DCP1B: variants seen among roughly 807,000 people sequenced by gnomAD.
DCP1B encodes the protein mRNA-decapping enzyme 1B.
Under a neutral mutation model 60.5 loss-of-function variants are expected in DCP1B, and 47 were observed. That is an observed-to-expected ratio of 0.78 (90% confidence interval 0.61 to 0.99). The LOEUF (loss-of-function observed/expected upper bound fraction) is 0.99. Ranked by LOEUF, DCP1B falls within the 50% of genes least tolerant of loss-of-function variation. The pLI is 0.00. For synonymous variants in DCP1B, 267 were observed against 280.3 expected (o/e 0.95, Z 0.47); for missense variants, 725 against 756.8 (o/e 0.96, Z 0.49).
intron 5 of DCP1B, among the ~76,000 whole-genome samples, chr12:1,958,187 G>A (rs1293885589): frequency 1.4e-5 from 2 of 144,638 alleles, no homozygotes; most frequent in East Asian, 4.2e-4. Context: ...CAGGGGAAAA[G>A]CTCCCTAACG....
chr12:1,955,198 T>C (rs1338534621), intron 6 of DCP1B, among the ~76,000 whole-genome samples: 1 of 152,192 alleles, frequency 6.6e-6, no homozygotes, highest in Non-Finnish European at 1.5e-5. Context: ...GGAGTTCAAG[T>C]TCACAAGAGA....
At chr12:2,001,314 T>C (rs887199802) in intron 1 of DCP1B, among the ~76,000 whole-genome samples, 2 of 152,156 alleles carry the variant, frequency 1.3e-5, no homozygotes, top group Non-Finnish European at 2.9e-5. Context: ...AGGAGGACTT[T>C]TATGTGAAAG....
chr12:1,973,823 T>G (rs544189310), intron 3 of DCP1B, among the ~76,000 whole-genome samples: 2 of 152,350 alleles, frequency 1.3e-5, no homozygotes, highest in East Asian at 1.9e-4. Context: ...ATTTATATTT[T>G]CATTTGTTCA....
chr12:1,978,103 G>A (rs538844556), intron 3 of DCP1B, among the ~76,000 whole-genome samples: 4 of 152,204 alleles, frequency 2.6e-5, no homozygotes, highest in Non-Finnish European at 2.9e-5. Context: ...TAAGTTATAC[G>A]GTTTCCATAT....
intron 5 of DCP1B, among the ~76,000 whole-genome samples, chr12:1,958,442 G>A (rs1481271032): frequency 7.1e-6 from 1 of 139,924 alleles, no homozygotes; most frequent in Non-Finnish European, 1.5e-5. Context: ...GGAAACAGGG[G>A]AAAAGCTCCC....
intron 3 of DCP1B, chr12:1,992,392 T>C (rs978933533): frequency 1.3e-5 from 2 of 153,468 alleles, no homozygotes; most frequent in Admixed American, 6.5e-5. Context: ...CTGAATAGTA[T>C]ATGGTAGGCA....
At chr12:1,979,526 C>T (rs538265293) in intron 3 of DCP1B, among the ~76,000 whole-genome samples, 2 of 150,062 alleles carry the variant, frequency 1.3e-5, no homozygotes, top group Non-Finnish European at 3.0e-5. Context: ...TGGCCAGGCT[C>T]GTCTCGAACT....
chr12:1,977,387 A>G (rs1164188913), intron 3 of DCP1B, among the ~76,000 whole-genome samples: 2 of 152,204 alleles, frequency 1.3e-5, no homozygotes, highest in Non-Finnish European at 2.9e-5. Context: ...AAAGCTCGAC[A>G]ACTTTGTGAC....
At chr12:1,963,531 T>G (rs987900136) in intron 5 of DCP1B, among the ~76,000 whole-genome samples, 6 of 152,372 alleles carry the variant, frequency 3.9e-5, no homozygotes, top group African/African-American at 1.4e-4. Context: ...TTTTATATGT[T>G]TGGTTTGCTT....
At chr12:1,997,470 A>G (rs1448499714) in intron 2 of DCP1B, among the ~76,000 whole-genome samples, 1 of 152,230 alleles carries the variant, frequency 6.6e-6, no homozygotes, top group African/African-American at 2.4e-5. Context: ...CAGCAAGCCA[A>G]GAGCTGTGAT....
At chr12:1,994,460 C>G (rs1353814100) in intron 2 of DCP1B, among the ~76,000 whole-genome samples, 3 of 152,200 alleles carry the variant, frequency 2.0e-5, no homozygotes, top group African/African-American at 2.4e-5. Context: ...GGGAGGCAAT[C>G]CTTGCCTAGC....
At position 1,949,073 on chromosome 12, in the gene DCP1B, C is replaced by T. The variant is rs559902808; in HGVS notation, c.1773+13G>A. On this transcript the variant is annotated intron_variant, in intron 8 of 8. Transcript: ENST00000280665. ...CGTGGTCAGGTGCGAAGGGAGATGA[C>T]GTGCTTGCTTACCTGAATGAGGTAC... is the stretch of plus-strand genomic sequence containing the variant. 20 of 1,607,544 alleles carry T rather than the reference C, an allele frequency of 1.2e-5. No homozygotes were observed. Among genetic ancestry groups the T allele is most frequent in the East Asian group, 1.1e-4 (5 of 44,660 alleles).
intron 3 of DCP1B, among the ~76,000 whole-genome samples, chr12:1,981,916 G>A (rs1370483801): frequency 6.6e-6 from 1 of 152,168 alleles, no homozygotes; most frequent in African/African-American, 2.4e-5. Flanking sequence ...TTCTGGGAAA[G>A]TGTATATGTA....
At position 1,955,428 on chromosome 12, in the gene DCP1B, G is replaced by A. The variant is rs200598085; in HGVS notation, c.651+4C>T. ...CTGAATATGACAAGCAGAGAACTCC[G>A]TACCTGGTTGGGCTGAGGTATACGC... On this transcript the variant is annotated splice_donor_region_variant and intron_variant, in intron 6 of 8. Transcript: ENST00000280665. 389 of 1,612,114 alleles carry A rather than the reference G, an allele frequency of 2.4e-4. No individual in the cohort carries two copies. Among genetic ancestry groups the A allele is most frequent in the Non-Finnish European group, 3.1e-4 (364 of 1,178,866 alleles).
At chr12:1,992,111 T>C (rs2039567887) in intron 3 of DCP1B, 3 of 315,516 alleles carry the variant, frequency 9.5e-6, no homozygotes, top group South Asian at 3.4e-5. Context: ...TAAACTACAA[T>C]TGATAAAGTG....
intron 3 of DCP1B, among the ~76,000 whole-genome samples, chr12:1,968,524 A>C (rs911097276): frequency 3.9e-5 from 6 of 152,196 alleles, no homozygotes; most frequent in African/African-American, 4.8e-5. Context: ...TACAGACGGA[A>C]AATGAAATCA....
rs2030709989 is a variant in DCP1B at position 1,952,411 on chromosome 12, T to A, written c.1524+5A>T. On this transcript the variant is annotated splice_donor_5th_base_variant and intron_variant, in intron 7 of 8. Coordinates refer to ENST00000280665, the MANE Select transcript of DCP1B (RefSeq NM_152640.5). ...TGTTTTATTTTGCCCCTGGTACATA[T>A]TTACCTGGAAAAGAGGAGTCTGCTG... is the stretch of plus-strand genomic sequence containing the variant. 3 of 1,564,470 alleles carry A rather than the reference T, an allele frequency of 1.9e-6. No homozygotes were observed. Among genetic ancestry groups the A allele is most frequent in the African/African-American group, 2.7e-5 (2 of 73,204 alleles).
At chr12:1,953,388 A>G in intron 6 of DCP1B, 100 bp from the exon 7 acceptor site, 2 of 1,308,954 alleles carry the variant, frequency 1.5e-6, no homozygotes, top group Non-Finnish European at 1.0e-6. Context: ...TTCTATTTAC[A>G]AAGGATTGAT....
intron 3 of DCP1B, among the ~76,000 whole-genome samples, chr12:1,981,190 G>A (rs1174366359): frequency 6.6e-6 from 1 of 152,122 alleles, no homozygotes; most frequent in East Asian, 1.9e-4. Flanking sequence ...GAGAAGCTGA[G>A]CGGCTCCTAG....
Sources: gnomAD v4.1 joint callset for allele counts (sites outside exome capture counted in the v4.1 genomes callset) on GRCh38, gnomAD v4.1.1 for gene constraint, MANE v1.5 for transcripts, NCBI Gene and HGNC (gene_info 2026-07-23, HGNC 2026-07-21) for gene names.